MKS1: variants seen among roughly 807,000 people sequenced by gnomAD.
MKS1 encodes MKS transition zone complex subunit 1, also known as tectonic-like complex member MKS1.
In MKS1, 70 loss-of-function variants were observed where a neutral mutation model predicts 83.7. That is an observed-to-expected ratio of 0.84 (90% CI 0.69 to 1.02). MKS1 has a LOEUF of 1.02. MKS1 is among the 50% of genes least tolerant of loss of function. The pLI is 0.00. For missense variants in MKS1, 681 were observed against 726.9 expected (o/e 0.94, Z 0.73); for synonymous variants, 251 against 273.4 (o/e 0.92, Z 0.81).
chr17:58,211,234 A>C, intron 9 of MKS1: 1 of 585,448 alleles, frequency 1.7e-6, no homozygotes, highest in Non-Finnish European at 3.1e-6. Flanking sequence ...CATAATTTAA[A>C]TGGCAGTGAG....
chr17:58,207,959 G>C lies in MKS1; in HGVS notation c.1208C>G (p.Ser403Trp), dbSNP rs773684291. The change falls in exon 14 of 18, where the codon TCG becomes TGG. Residue 403 changes from serine (S) to tryptophan (W), a missense_variant. Around this residue, in one of 3 missense-constraint regions of MKS1, gnomAD observed 310 missense variants for 321.7 expected, o/e 0.96. Transcript: ENST00000393119. ...ACGGTACCTCTGCCAGAAGTCCAGC[G>C]AGAGGACCTCACAGTAGAGCACAGG... is the stretch of plus-strand genomic sequence containing the variant. ...EWPVLYCEVL[S>W]LDFWQRYRVE... The C allele has an allele frequency of 2.5e-6, 4 of 1,614,092 alleles. No individual in the cohort carries two copies. Among genetic ancestry groups the C allele is most frequent in the Non-Finnish European group, 3.4e-6 (4 of 1,180,030 alleles).
rs115048531 is a variant in MKS1 at position 58,213,634 on chromosome 17, C to T, written c.749+131G>A. On this transcript the variant is annotated intron_variant, in intron 7 of 17. Transcript: ENST00000393119. ...AGGCCCTATGACTTGGAACAGAATACGAACCATTGCCTGGGAATGTAAAAG... is the reference window on the plus strand; with the variant it reads ...AGGCCCTATGACTTGGAACAGAATATGAACCATTGCCTGGGAATGTAAAAG... 1.6e-3 allele frequency: 1,257 copies of T among 766,858 alleles called. 15 individuals are homozygous for T. The African/African-American group carries it at 0.019, about 11-fold the overall frequency. The allele number at this position is 766,858 out of a possible 1,614,324, so 47.5% of individuals were successfully genotyped here.
chr17:58,218,843 G>A, intron 1 of MKS1, 114 bp from the exon 2 acceptor site: 1 of 998,576 alleles, frequency 1.0e-6, no homozygotes, highest in Non-Finnish European at 1.5e-6. Context: ...TGTGCTGGGT[G>A]CAGACAACGG....
At position 58,216,791 on chromosome 17, in the gene MKS1, G is replaced by A. The variant is rs1315907580; in HGVS notation, c.191-55C>T. On this transcript the variant is annotated intron_variant, in intron 2 of 17. Transcript: ENST00000393119. ...TTGAGCCAAACCAGCACCACTTCTT[G>A]TTCTGTGGTTTATTATAACCAAAGT... 9.0e-6 allele frequency: 14 copies of A among 1,562,386 alleles called. No individual in the cohort carries two copies. The East Asian group carries it at 2.5e-4, about 27-fold the overall frequency.
intron 1 of MKS1, 60 bp downstream of exon 1, chr17:58,219,091 G>C: frequency 6.5e-7 from 1 of 1,542,378 alleles, no homozygotes; most frequent in Non-Finnish European, 8.7e-7. Flanking sequence ...ACCGAGCTCA[G>C]GTTGGAATGA....
At chr17:58,210,624 G>A in intron 11 of MKS1, 35 bp downstream of exon 11, 1 of 1,576,542 alleles carries the variant, frequency 6.3e-7, no homozygotes, top group South Asian at 1.1e-5. Context: ...CTGTCTGAAT[G>A]GGTATAAAAG....
rs541448010 is a variant in MKS1 at position 58,219,245 on chromosome 17, G to C, written c.-15C>G. 423 of 1,549,642 alleles carry C rather than the reference G, an allele frequency of 2.7e-4. No individual in the cohort carries two copies. Among genetic ancestry groups the C allele is most frequent in the Middle Eastern group, 1.0e-3 (6 of 5,824 alleles). The stretch of plus-strand genomic sequence containing the variant: ...GTCTCCGCCATGACAGCTGCGACGC[G>C]CCGCGACTGCGCCGGAAAGCGCGCC... On this transcript the variant is annotated 5_prime_UTR_variant, in exon 1 of 18. Coordinates refer to ENST00000393119, the MANE Select transcript of MKS1 (RefSeq NM_017777.4).
At chr17:58,215,924 C>T in intron 4 of MKS1, 164 bp downstream of exon 4, 1 of 836,820 alleles carries the variant, frequency 1.2e-6, no homozygotes, top group Non-Finnish European at 2.0e-6. Flanking sequence ...AGACTGTGCC[C>T]ATTCTATTCC....
rs751088795 is a variant in MKS1 at position 58,207,228 on chromosome 17, G to C, written c.1274-10C>G. 1.2e-6 allele frequency: 2 copies of C among 1,613,828 alleles called. No homozygotes were observed. The highest frequency in any genetic ancestry group is 1.7e-6 in the Non-Finnish European group (2 of 1,180,024). ...GTCAGGGTGTGTGAGCCTGCGCAAG[G>C]GAAGAGAAGACTGGGGCCAGGTCCA... On this transcript the variant is annotated splice_polypyrimidine_tract_variant and intron_variant, in intron 14 of 17. Coordinates refer to ENST00000393119, the MANE Select transcript of MKS1 (RefSeq NM_017777.4).
At chr17:58,210,634 G>T in intron 11 of MKS1, 25 bp downstream of exon 11, 2 of 1,603,824 alleles carry the variant, frequency 1.2e-6, no homozygotes, top group Non-Finnish European at 1.7e-6. Flanking sequence ...GGGTATAAAA[G>T]GAGAGACTTA....
In MKS1 at chr17:58,213,879, A is replaced by G; in HGVS notation, c.645-10T>C. 1.2e-6 allele frequency: 2 copies of G among 1,604,932 alleles called. No individual in the cohort carries two copies. Among genetic ancestry groups the G allele is most frequent in the Non-Finnish European group, 1.7e-6 (2 of 1,171,576 alleles). ...CTTCTTATAGCCAAGCCTAGAAATC[A>G]GGAAAACACCAAGGTTGAGGTCAAT... On this transcript the variant is annotated splice_polypyrimidine_tract_variant and intron_variant, in intron 6 of 17. Transcript: ENST00000393119.
At position 58,206,117 on chromosome 17, in the gene MKS1, G is replaced by C; in HGVS notation, c.1642C>G (p.Gln548Glu). The C allele has an allele frequency of 6.2e-7, 1 of 1,613,488 alleles. No individual in the cohort carries two copies. Among genetic ancestry groups the C allele is most frequent in the Non-Finnish European group, 8.5e-7 (1 of 1,179,870 alleles). Residue 548 changes from glutamine (Q) to glutamate (E), a missense_variant, in exon 18 of 18, where the codon CAG (glutamine) becomes GAG (glutamate). By Grantham distance (29) the Gln-to-Glu change is conservative. Around this residue, in one of 3 missense-constraint regions of MKS1, gnomAD observed 310 missense variants for 321.7 expected, o/e 0.96. Coordinates refer to ENST00000393119, the MANE Select transcript of MKS1 (RefSeq NM_017777.4). ...RMQEARESLP[Q>E]DLVSPSGTLV... ...GTTCCAGAGGGGCTCACTAGGTCCT[G>C]CGGGAGGCTTTCCCGGGCCTCCTGC...
chr17:58,216,764 G>C (rs775051904), intron 2 of MKS1, 28 bp from the exon 3 acceptor site: 25 of 1,608,798 alleles, frequency 1.6e-5, no homozygotes, highest in Non-Finnish European at 1.7e-5. Flanking sequence ...TGAATCAAAT[G>C]CTTGAGCCAA....
chr17:58,219,130 G>C (rs772038261), intron 1 of MKS1, 21 bp downstream of exon 1: 1 of 1,550,624 alleles, frequency 6.4e-7, no homozygotes, highest in Non-Finnish European at 8.7e-7. Context: ...TGGGGCCTCG[G>C]GGCTGGGGCG....
intron 11 of MKS1, among the ~76,000 whole-genome samples, chr17:58,210,372 T>C (rs929802320): frequency 6.6e-6 from 1 of 151,956 alleles, no homozygotes; most frequent in Non-Finnish European, 1.5e-5. Context: ...AGGGAAGGCA[T>C]CACCCAAGAA....
At position 58,205,892 on chromosome 17, in the gene MKS1, T is replaced by C; in HGVS notation, c.*187A>G. 2 of 1,448,494 alleles carry C rather than the reference T, an allele frequency of 1.4e-6. No individual in the cohort carries two copies. Among genetic ancestry groups the C allele is most frequent in the South Asian group, 1.4e-5 (1 of 69,830 alleles). 89.7% of individuals were successfully genotyped at this position (1,448,494 alleles called of 1,614,324 possible). On this transcript the variant is annotated 3_prime_UTR_variant, in exon 18 of 18. Transcript: ENST00000393119. Reference sequence around the variant, plus strand: ...GGGGGCCACAGGGTCTCTGGCTTTATTTCCACAGGGTAGGGAGAAGACCCT... The same window carrying C: ...GGGGGCCACAGGGTCTCTGGCTTTACTTCCACAGGGTAGGGAGAAGACCCT...
In MKS1 at chr17:58,209,966, G is replaced by A. The variant is rs1968774632; in HGVS notation, c.1024+693C>T. Among the ~76,000 whole-genome samples, 1 of 152,180 alleles carries A rather than the reference G, an allele frequency of 6.6e-6. No homozygotes were observed. Among genetic ancestry groups the A allele is most frequent in the Non-Finnish European group, 1.5e-5 (1 of 68,022 alleles). On this transcript the variant is annotated intron_variant, in intron 11 of 17. Transcript: ENST00000393119. This position sits in a 1 kb window ranked among gnomAD's most constrained non-coding sequence, Gnocchi z 4.1. ...AGGTTCACAACAGCTTTTGAAGACA[G>A]AACGGACAGGAACTGTTGACAGATT...
intron 11 of MKS1, among the ~76,000 whole-genome samples, chr17:58,210,375 C>T (rs1486689211): frequency 6.6e-6 from 1 of 152,008 alleles, no homozygotes; most frequent in Non-Finnish European, 1.5e-5. Context: ...GAAGGCATCA[C>T]CCAAGAAGGA....
At position 58,206,098 on chromosome 17, in the gene MKS1, G is replaced by T. The variant is rs764747820; in HGVS notation, c.1661C>A (p.Ser554Tyr). ...ESLPQDLVSP[S>Y]GTLVS ...TGTGAGCTAGGAGACCAGGGTTCCA[G>T]AGGGGCTCACTAGGTCCTGCGGGAG... is the stretch of plus-strand genomic sequence containing the variant. Residue 554 changes from serine (S) to tyrosine (Y), a missense_variant, in exon 18 of 18, where the codon TCT (serine) becomes TAT (tyrosine). Transcript: ENST00000393119. 1 of 1,612,596 alleles carries T rather than the reference G, an allele frequency of 6.2e-7. No homozygotes were observed. Among genetic ancestry groups the T allele is most frequent in the Non-Finnish European group, 8.5e-7 (1 of 1,179,620 alleles).
Sources: gnomAD v4.1 joint callset for allele counts (sites outside exome capture counted in the v4.1 genomes callset) on GRCh38, gnomAD v4.1.1 for gene constraint, gnomAD v4.1.1 regional missense constraint, Gnocchi (gnomAD v3.1) non-coding constraint, MANE v1.5 for transcripts, NCBI Gene and HGNC (gene_info 2026-07-23, HGNC 2026-07-21) for gene names.